WARS2: variants seen among roughly 807,000 people sequenced by gnomAD.
WARS2 encodes the protein tryptophanyl tRNA synthetase 2, mitochondrial, also known as tryptophan--tRNA ligase, mitochondrial.
WARS2 carries 28 observed loss-of-function variants against 36.5 expected under a neutral mutation model. That is an observed-to-expected ratio of 0.77 (90% CI 0.57 to 1.05). The LOEUF is 1.05. Among genes scored for constraint, WARS2 ranks in the 50% least tolerant of loss-of-function variants. The pLI, the probability that WARS2 is intolerant of heterozygous loss-of-function variation, is 0.00. For missense variants in WARS2, 435 were observed against 456.8 expected (o/e 0.95, Z 0.44); for synonymous variants, 174 against 178.4 (o/e 0.98, Z 0.20).
intron 1 of WARS2, among the ~76,000 whole-genome samples, 168 bp from the exon 2 acceptor site, chr1:119,076,775 C>G (rs1039238289): frequency 4.6e-5 from 7 of 152,074 alleles, no homozygotes; most frequent in Non-Finnish European, 1.0e-4. Context: ...ATGCTAGGTG[C>G]TACTAGGCAC....
chr1:119,061,220 A>G (rs1650351214), intron 2 of WARS2, among the ~76,000 whole-genome samples: 1 of 152,238 alleles, frequency 6.6e-6, no homozygotes, highest in African/African-American at 2.4e-5. Flanking sequence ...AGAGGCAGTC[A>G]ATGGAGACCA....
At position 119,139,371 on chromosome 1, in the gene WARS2, T is replaced by C. The variant is rs1041761462; in HGVS notation, c.90+1184A>G. Among the ~76,000 whole-genome samples the C allele has an allele frequency of 1.3e-5, 2 of 152,176 alleles. 1 individual carries two copies. Among genetic ancestry groups the C allele is most frequent in the South Asian group, 4.1e-4 (2 of 4,828 alleles). On this transcript the variant is annotated intron_variant, in intron 1 of 5. Coordinates refer to ENST00000235521, the MANE Select transcript of WARS2 (RefSeq NM_015836.4). ...AAAATTTATGACATGACTAGAAAAA[T>C]AAGTTGAACTTAAATTTTGGTTTTC...
chr1:119,089,626 T>C (rs1192055618), intron 1 of WARS2, among the ~76,000 whole-genome samples: 1 of 152,184 alleles, frequency 6.6e-6, no homozygotes, highest in Non-Finnish European at 1.5e-5. Flanking sequence ...AATCTAACCA[T>C]ATCTGGAGAT....
chr1:119,059,194 T>C (rs1418633556), intron 2 of WARS2, among the ~76,000 whole-genome samples: 1 of 152,154 alleles, frequency 6.6e-6, no homozygotes, highest in Non-Finnish European at 1.5e-5. Flanking sequence ...CATTGTAGAT[T>C]CTAGATATTA....
rs1401107171 is a variant in WARS2 at position 119,045,634 on chromosome 1, A to T, written c.377T>A (p.Ile126Asn). The change falls in exon 3 of 6, where the codon ATC (isoleucine) becomes AAC (asparagine). Residue 126 changes from isoleucine to asparagine, a missense_variant. Ile to Asn is a moderately radical substitution (Grantham distance 149). Transcript: ENST00000235521. Reference protein sequence around the residue: ...QVSEHTQLSWILSCMVRLPRL... With the variant: ...QVSEHTQLSWNLSCMVRLPRL... Reference sequence around the variant, plus strand: ...AGGTAGTCTGACCATGCAGGAAAGGATCCAACTTAATTGTGTGTGTTCAGA... The same window carrying T: ...AGGTAGTCTGACCATGCAGGAAAGGTTCCAACTTAATTGTGTGTGTTCAGA... The T allele has an allele frequency of 6.3e-7, 1 of 1,592,942 alleles. No individual in the cohort carries two copies. The highest frequency in any genetic ancestry group is 8.6e-7 in the Non-Finnish European group (1 of 1,166,452).
intron 4 of WARS2, among the ~76,000 whole-genome samples, chr1:119,041,443 T>C (rs781587183): frequency 5.9e-5 from 9 of 152,088 alleles, no homozygotes; most frequent in Non-Finnish European, 1.0e-4. Context: ...TTTGAGGACT[T>C]TAAGTGGCAG....
chr1:119,115,243 C>T (rs190261771), intron 1 of WARS2, among the ~76,000 whole-genome samples: 6 of 152,276 alleles, frequency 3.9e-5, no homozygotes, highest in Admixed American at 2.6e-4. Context: ...GGATAAAGGG[C>T]GATGGAGCTT....
At chr1:119,123,419 T>G (rs1655454569) in intron 1 of WARS2, among the ~76,000 whole-genome samples, 1 of 152,334 alleles carries the variant, frequency 6.6e-6, no homozygotes, top group South Asian at 2.1e-4. Context: ...TCCATACCCA[T>G]CAAGCTATCT....
At chr1:119,079,056 A>G (rs1651989791) in intron 1 of WARS2, among the ~76,000 whole-genome samples, 1 of 152,062 alleles carries the variant, frequency 6.6e-6, no homozygotes, top group Non-Finnish European at 1.5e-5. Flanking sequence ...GTTTTTTTGC[A>G]TATGGTGTGA....
chr1:119,084,494 G>A (rs1357907255), intron 1 of WARS2, among the ~76,000 whole-genome samples: 1 of 152,064 alleles, frequency 6.6e-6, no homozygotes, highest in African/African-American at 2.4e-5. Flanking sequence ...AAAAAACTTG[G>A]AAAGAGGCCA....
chr1:119,075,226 T>C (rs587761643), intron 2 of WARS2, among the ~76,000 whole-genome samples: 1 of 151,812 alleles, frequency 6.6e-6, no homozygotes, highest in South Asian at 2.1e-4. Context: ...GATAGAAAAA[T>C]AATACAAATT....
chr1:119,131,540 G>A (rs1360490548), intron 1 of WARS2, among the ~76,000 whole-genome samples: 1 of 146,100 alleles, frequency 6.8e-6, no homozygotes, highest in African/African-American at 2.6e-5. Context: ...TCGGCTCACT[G>A]CAAGCTCCGC....
intron 1 of WARS2, among the ~76,000 whole-genome samples, chr1:119,122,755 G>A (rs1024246946): frequency 6.6e-6 from 1 of 152,164 alleles, no homozygotes; most frequent in Non-Finnish European, 1.5e-5. Context: ...GATGAAGTTG[G>A]AGACCACTAT....
At chr1:119,085,397 T>C in intron 1 of WARS2, 3 of 1,413,824 alleles carry the variant, frequency 2.1e-6, no homozygotes, top group Non-Finnish European at 3.0e-6. Flanking sequence ...CTGTCTTGCT[T>C]CTGGGTGACG....
At chr1:119,075,605 A>T (rs1341735609) in intron 2 of WARS2, among the ~76,000 whole-genome samples, 1 of 152,246 alleles carries the variant, frequency 6.6e-6, no homozygotes, top group Non-Finnish European at 1.5e-5. Context: ...GTACCATAGC[A>T]TGTATAACAT....
intron 1 of WARS2, among the ~76,000 whole-genome samples, chr1:119,107,790 T>C (rs587598218): frequency 2.6e-5 from 4 of 152,230 alleles, no homozygotes; most frequent in African/African-American, 7.2e-5. Context: ...TTTCTCTGCA[T>C]TAAGTATGAT....
intron 2 of WARS2, among the ~76,000 whole-genome samples, chr1:119,061,602 C>T (rs962118913): frequency 2.6e-5 from 4 of 152,056 alleles, no homozygotes; most frequent in Non-Finnish European, 5.9e-5. Flanking sequence ...CTACCTTCTC[C>T]CTTAGGGAGA....
At chr1:119,088,524 A>C (rs1168808943) in intron 1 of WARS2, among the ~76,000 whole-genome samples, 3 of 152,082 alleles carry the variant, frequency 2.0e-5, no homozygotes, top group Non-Finnish European at 4.4e-5. Context: ...TTTACATTTC[A>C]AGGTAATGAA....
chr1:119,131,708 G>A (rs1033088442), intron 1 of WARS2, among the ~76,000 whole-genome samples: 6 of 151,990 alleles, frequency 3.9e-5, no homozygotes, highest in Admixed American at 6.5e-5. Flanking sequence ...TGATCTGCCC[G>A]CCTCGGCCTC....
Sources: gnomAD v4.1 joint callset for allele counts (sites outside exome capture counted in the v4.1 genomes callset) on GRCh38, gnomAD v4.1.1 for gene constraint, MANE v1.5 for transcripts, NCBI Gene and HGNC (gene_info 2026-07-23, HGNC 2026-07-21) for gene names.